The following NAE1 variants were observed in gnomAD, a reference collection of about 807,000 sequenced individuals.
NAE1 encodes NEDD8-activating enzyme E1 regulatory subunit.
NAE1 carries 59 observed loss-of-function variants against 88.0 expected under a neutral mutation model. The observed-to-expected ratio is 0.67, with a 90% confidence interval of 0.54 to 0.83. The LOEUF (loss-of-function observed/expected upper bound fraction) is 0.83, where lower values mean the gene tolerates loss of function less well. NAE1 is among the 40% of genes least tolerant of loss of function. The probability of loss-of-function intolerance (pLI) is 0.00; values close to 1 mark genes in which losing one functional copy is unlikely to be tolerated. For synonymous variants in NAE1, 186 were observed against 208.9 expected (o/e 0.89, Z 0.95); for missense variants, 554 against 632.8 (o/e 0.88, Z 1.34).
At position 66,813,846 on chromosome 16, in the gene NAE1, T is replaced by C; in HGVS notation, c.841A>G (p.Ile281Val). 2 of 1,612,148 alleles carry C rather than the reference T, an allele frequency of 1.2e-6. No individual in the cohort carries two copies. Among genetic ancestry groups the C allele is most frequent in the Non-Finnish European group, 1.7e-6 (2 of 1,178,854 alleles). The part of the protein sequence containing the change: ...NVNTALNTTQ[I>V]PSSIEDIFND... ...AATATATCTTCAATACTGCTTGGGATCTAACAAAGGAACATGAAACATTTA... is the reference window on the plus strand; with the variant it reads ...AATATATCTTCAATACTGCTTGGGACCTAACAAAGGAACATGAAACATTTA... The change falls in exon 12 of 20, where the codon ATC becomes GTC. Residue 281 changes from isoleucine (I) to valine (V), a missense_variant and splice_region_variant. By Grantham distance (29) the Ile-to-Val change is conservative. Transcript: ENST00000290810.
chr16:66,813,928 T>C, intron 11 of NAE1, 82 bp from the exon 12 acceptor site: 1 of 1,304,342 alleles, frequency 7.7e-7, no homozygotes. Flanking sequence ...TCTTCAGATA[T>C]GTTCTTTGAA....
chr16:66,810,789 AG>A lies in NAE1; in HGVS notation c.1035-18del. 2.5e-6 allele frequency: 4 copies of A among 1,607,712 alleles called. No homozygotes were observed. Among genetic ancestry groups the A allele is most frequent in the Non-Finnish European group, 3.4e-6 (4 of 1,177,316 alleles). On this transcript the variant is annotated intron_variant, in intron 13 of 19. Coordinates refer to ENST00000290810, the MANE Select transcript of NAE1 (RefSeq NM_003905.4). Reference sequence around the variant, plus strand: ...TCACGGTAACTAAAAAAGAATAAAAAGCAATTACTAACAAATTTTTAAATTA... The same window carrying A: ...TCACGGTAACTAAAAAAGAATAAAAACAATTACTAACAAATTTTTAAATTA...
At chr16:66,811,047 G>A (rs1207037914) in intron 13 of NAE1, among the ~76,000 whole-genome samples, 3 of 152,098 alleles carry the variant, frequency 2.0e-5, no homozygotes, top group Non-Finnish European at 2.9e-5. Context: ...CTATGATTTC[G>A]GCTTCTGTGA....
chr16:66,829,329 G>A (rs1018866211), intron 1 of NAE1, among the ~76,000 whole-genome samples: 2 of 152,174 alleles, frequency 1.3e-5, no homozygotes, highest in African/African-American at 4.8e-5. Flanking sequence ...GAAAACCTAA[G>A]TTGGTTATAA....
Position 66,813,837 on chromosome 16 carries a change from T to G in NAE1, c.850A>C (p.Ser284Arg). ...TCATCATTAAATATATCTTCAATACTGCTTGGGATCTAACAAAGGAACATG... is the reference window on the plus strand; with the variant it reads ...TCATCATTAAATATATCTTCAATACGGCTTGGGATCTAACAAAGGAACATG... ...TALNTTQIPS[S>R]IEDIFNDDRC... The change falls in exon 12 of 20, where the codon AGT (serine) becomes CGT (arginine). Residue 284 changes from serine to arginine, a missense_variant. Ser to Arg is a moderately radical substitution (Grantham distance 110, BLOSUM62 -1). Coordinates refer to ENST00000290810, the MANE Select transcript of NAE1 (RefSeq NM_003905.4). 6.2e-7 allele frequency: 1 copy of G among 1,612,962 alleles called. No homozygotes were observed. Among genetic ancestry groups the G allele is most frequent in the South Asian group, 1.1e-5 (1 of 90,736 alleles).
chr16:66,803,757 A>AT (rs1271374558), intron 19 of NAE1, among the ~76,000 whole-genome samples: 1 of 151,844 alleles, frequency 6.6e-6, no homozygotes, highest in Non-Finnish European at 1.5e-5. Flanking sequence ...CACCTGGATA[A>AT]TTTTTTTGTA....
At position 66,817,359 on chromosome 16, in the gene NAE1, A is replaced by C. The variant is rs778245823; in HGVS notation, c.684+66T>G. 7 of 1,310,378 alleles carry C rather than the reference A, an allele frequency of 5.3e-6. No individual in the cohort carries two copies. In the East Asian group the frequency reaches 1.4e-4, roughly 26 times the overall value. The allele number at this position is 1,310,378 out of a possible 1,614,324, so 81.2% of individuals were successfully genotyped here. ...AAAATTAATCTCCCATTCCCCATCA[A>C]GGAAATCCTTTGTAAGAAACTGAAA... is the stretch of plus-strand genomic sequence containing the variant. On this transcript the variant is annotated intron_variant, in intron 9 of 19. Coordinates refer to ENST00000290810, the MANE Select transcript of NAE1 (RefSeq NM_003905.4).
chr16:66,828,001 T>C (rs2145357442), intron 1 of NAE1: 1 of 1,613,844 alleles, frequency 6.2e-7, no homozygotes, highest in East Asian at 2.2e-5. Context: ...TGTTTTTGTT[T>C]GCTGAGCATC....
At chr16:66,814,240 C>A (rs1282666827) in intron 11 of NAE1, among the ~76,000 whole-genome samples, 1 of 152,054 alleles carries the variant, frequency 6.6e-6, no homozygotes, top group Non-Finnish European at 1.5e-5. Flanking sequence ...GACAACCACT[C>A]TGAAAAAAAC....
At chr16:66,814,682 G>C (rs556141665) in intron 11 of NAE1, among the ~76,000 whole-genome samples, 43 of 151,722 alleles carry the variant, frequency 2.8e-4, no homozygotes, top group African/African-American at 9.7e-4. Flanking sequence ...GTCTCAGTGG[G>C]ACCTCCTAAC....
chr16:66,809,241 G>A (rs186243738), intron 15 of NAE1, among the ~76,000 whole-genome samples, 166 bp from the exon 16 acceptor site: 2 of 152,172 alleles, frequency 1.3e-5, no homozygotes, highest in Admixed American at 1.3e-4. Flanking sequence ...ACTAGAACAT[G>A]AATCACCTTA....
rs1053508599 is a variant in NAE1 at position 66,814,226 on chromosome 16, T to C, written c.841-380A>G. Among the ~76,000 whole-genome samples the C allele has an allele frequency of 3.9e-5, 6 of 152,268 alleles. No homozygotes were observed. In the South Asian group the frequency reaches 1.0e-3, roughly 26 times the overall value. On this transcript the variant is annotated intron_variant, in intron 11 of 19. Transcript: ENST00000290810. ...ACCCTTGCACCCTAATTAGTGACCG[T>C]TGAGACAACCACTCTGAAAAAAACT...
chr16:66,818,676 TAA>T (rs747572422), intron 7 of NAE1, 39 bp from the exon 8 acceptor site: 314 of 1,203,850 alleles, frequency 2.6e-4, no homozygotes, highest in Admixed American at 6.9e-4. Context: ...ATTTAACACT[TAA>T]AAAAAAAAAA....
chr16:66,816,478 A>G, intron 11 of NAE1, 103 bp downstream of exon 11: 9 of 910,176 alleles, frequency 9.9e-6, no homozygotes, highest in Non-Finnish European at 1.6e-5. Flanking sequence ...CTAACTATAC[A>G]TTTAGAAAAT....
At position 66,808,549 on chromosome 16, in the gene NAE1, T is replaced by G; in HGVS notation, c.1302A>C (p.Arg434Ser). 6.2e-7 allele frequency: 1 copy of G among 1,603,058 alleles called. No homozygotes were observed. The highest frequency in any genetic ancestry group is 8.5e-7 in the Non-Finnish European group (1 of 1,172,104). ...GATATCTACCCTGTTGTTTATGAAATCTATCAACAGCCCGTAACATTAAGT... is the reference window on the plus strand; with the variant it reads ...GATATCTACCCTGTTGTTTATGAAAGCTATCAACAGCCCGTAACATTAAGT... ...VLYLMLRAVD[R>S]FHKQQGRYPG... The change falls in exon 17 of 20, where the codon AGA (arginine) becomes AGC (serine). Residue 434 changes from arginine (R) to serine (S), a missense_variant. Physicochemically the swap from Arg to Ser is moderately radical, Grantham distance 110. Coordinates refer to ENST00000290810, the MANE Select transcript of NAE1 (RefSeq NM_003905.4).
chr16:66,830,569 G>T (rs1019165900), intron 1 of NAE1, among the ~76,000 whole-genome samples: 1 of 152,222 alleles, frequency 6.6e-6, no homozygotes, highest in Non-Finnish European at 1.5e-5. Context: ...GAGCCTGGGC[G>T]CAACGGGGCC....
intron 11 of NAE1, among the ~76,000 whole-genome samples, chr16:66,815,764 C>T (rs977676706): frequency 2.0e-5 from 3 of 151,652 alleles, no homozygotes; most frequent in African/African-American, 4.8e-5. Context: ...CAGGTTCAAG[C>T]GGTTCTCCTG....
intron 16 of NAE1, 164 bp from the exon 17 acceptor site, chr16:66,808,777 T>C (rs1959672847): frequency 1.6e-6 from 1 of 636,538 alleles, no homozygotes; most frequent in Non-Finnish European, 2.7e-6. Context: ...TATCACACAA[T>C]GGACTCAGTG....
At chr16:66,813,755 A>G (rs16957014) in intron 12 of NAE1, 32 bp downstream of exon 12, 17 of 1,612,174 alleles carry the variant, frequency 1.1e-5, no homozygotes, top group Non-Finnish European at 1.2e-5. Context: ...CCAAAGTTTT[A>G]GCAGCAATGT....
Sources: allele counts gnomAD v4.1 joint callset (sites outside exome capture counted in the v4.1 genomes callset), GRCh38; gene constraint gnomAD v4.1.1; transcripts MANE v1.5; gene names NCBI Gene and HGNC (gene_info 2026-07-23, HGNC 2026-07-21).